The following SMYD3 variants were observed in gnomAD, a reference collection of about 807,000 sequenced individuals.
SMYD3 encodes the protein SET and MYND domain containing 3.
SMYD3 carries 36 observed loss-of-function variants against 57.7 expected under a neutral mutation model. That is an observed-to-expected ratio of 0.62 (90% CI 0.48 to 0.82). The LOEUF is 0.82. SMYD3 is among the 40% of genes least tolerant of loss of function. SMYD3 has a pLI of 0.00. For missense variants in SMYD3, 515 were observed against 538.8 expected (o/e 0.96, Z 0.44); for synonymous variants, 211 against 195.0 (o/e 1.08, Z -0.68).
intron 10 of SMYD3, among the ~76,000 whole-genome samples, chr1:245,816,733 C>T (rs545898126): frequency 4.8e-4 from 73 of 152,196 alleles, no homozygotes; most frequent in African/African-American, 1.3e-3. Context: ...ATGCCTCACT[C>T]GGGAAGCGCC....
At chr1:245,898,771 G>A (rs1323053905) in intron 8 of SMYD3, among the ~76,000 whole-genome samples, 1 of 152,160 alleles carries the variant, frequency 6.6e-6, no homozygotes, top group East Asian at 1.9e-4. Context: ...TAGCTTGTTT[G>A]TTTTTTGCAA....
chr1:246,370,064 T>C lies in SMYD3; in HGVS notation c.165-14970A>G, dbSNP rs1336995801. On this transcript the variant is annotated intron_variant, in intron 1 of 11. Transcript: ENST00000490107. Reference sequence around the variant, plus strand: ...GAATCCGAGAGGCAGACCAGCTGCTTGAGTACTCCCCTTCCACTGTCTGCA... The same window carrying C: ...GAATCCGAGAGGCAGACCAGCTGCTCGAGTACTCCCCTTCCACTGTCTGCA... 7.2e-4 allele frequency among the ~76,000 whole-genome samples: 110 copies of C among 152,280 alleles called. 1 individual carries two copies. The highest frequency in any genetic ancestry group is 1.3e-4 in the Non-Finnish European group (9 of 68,016).
chr1:246,442,770 A>C (rs2067489403), intron 1 of SMYD3, among the ~76,000 whole-genome samples: 1 of 152,180 alleles, frequency 6.6e-6, no homozygotes, highest in Non-Finnish European at 1.5e-5. Context: ...CCATTAACGC[A>C]AACACTGGTA....
At chr1:245,951,138 C>A (rs1375010137) in intron 5 of SMYD3, among the ~76,000 whole-genome samples, 2 of 152,084 alleles carry the variant, frequency 1.3e-5, no homozygotes, top group African/African-American at 2.4e-5. Flanking sequence ...ATTGTTTCTG[C>A]ATCACTCTTA....
At chr1:246,034,040 T>G (rs891988015) in intron 5 of SMYD3, among the ~76,000 whole-genome samples, 1 of 152,148 alleles carries the variant, frequency 6.6e-6, no homozygotes, top group Admixed American at 6.5e-5. Context: ...TATATAGAAT[T>G]GAGCAATAAT....
At chr1:246,166,787 T>C (rs1449765046) in intron 5 of SMYD3, among the ~76,000 whole-genome samples, 1 of 152,222 alleles carries the variant, frequency 6.6e-6, no homozygotes, top group Non-Finnish European at 1.5e-5. Context: ...TATTGTTTTT[T>C]CTTGAGGTGA....
intron 1 of SMYD3, among the ~76,000 whole-genome samples, chr1:246,489,601 C>T (rs949910550): frequency 7.9e-5 from 12 of 152,072 alleles, no homozygotes; most frequent in African/African-American, 2.2e-4. Context: ...AAGAAGCTGA[C>T]ATTCTAAAAC....
intron 1 of SMYD3, among the ~76,000 whole-genome samples, chr1:246,478,118 T>G (rs188632130): frequency 1.1e-4 from 16 of 152,312 alleles, no homozygotes; most frequent in African/African-American, 3.8e-4. Context: ...CCCAGTTACA[T>G]TTTACCTAAC....
At chr1:246,285,227 T>C (rs1037211150) in intron 5 of SMYD3, among the ~76,000 whole-genome samples, 10 of 152,202 alleles carry the variant, frequency 6.6e-5, no homozygotes, top group Admixed American at 3.9e-4. Flanking sequence ...TGGTTTTCCA[T>C]TCCTCAGTTA....
chr1:245,826,309 A>C (rs1370729398), intron 10 of SMYD3, among the ~76,000 whole-genome samples: 4 of 152,030 alleles, frequency 2.6e-5, no homozygotes, highest in African/African-American at 9.7e-5. Flanking sequence ...TTTGTGGCTG[A>C]CTTCACTTAG....
intron 5 of SMYD3, among the ~76,000 whole-genome samples, chr1:246,171,994 G>A (rs1402083006): frequency 2.0e-5 from 3 of 152,198 alleles, no homozygotes; most frequent in African/African-American, 7.2e-5. Context: ...CTGGGTGACA[G>A]ACTATGACTT....
chr1:245,821,714 A>C (rs1045947220), intron 10 of SMYD3, among the ~76,000 whole-genome samples: 5 of 151,914 alleles, frequency 3.3e-5, no homozygotes, highest in Admixed American at 1.3e-4. Context: ...AAAACAAACA[A>C]CACCATCAAA....
At position 246,103,927 on chromosome 1, in the gene SMYD3, T is replaced by A. The variant is rs147132162; in HGVS notation, c.532-173990A>T. Among the ~76,000 whole-genome samples the A allele has an allele frequency of 2.6e-3, 398 of 152,314 alleles. 1 individual carries two copies. Among genetic ancestry groups the A allele is most frequent in the Non-Finnish European group, 4.0e-3 (273 of 68,014 alleles). ...TCCCTCTGTCACCCTGAAAACTCCC[T>A]ACTCATCCTTGAAGAAAACCTTGTT... On this transcript the variant is annotated intron_variant, in intron 5 of 11. Coordinates refer to ENST00000490107, the MANE Select transcript of SMYD3 (RefSeq NM_001167740.2).
chr1:245,915,431 G>C (rs758498561), intron 8 of SMYD3, 99 bp downstream of exon 8: 101 of 705,826 alleles, frequency 1.4e-4, no homozygotes, highest in Non-Finnish European at 2.3e-4. Flanking sequence ...CATGTACTGA[G>C]GGTCATTACT....
intron 8 of SMYD3, among the ~76,000 whole-genome samples, chr1:245,887,428 T>G (rs927812115): frequency 2.8e-4 from 42 of 151,682 alleles, no homozygotes; most frequent in African/African-American, 9.2e-4. Flanking sequence ...TGTGGAGGAG[T>G]CATTCTTTAT....
intron 5 of SMYD3, among the ~76,000 whole-genome samples, chr1:246,194,234 G>T (rs1294410205): frequency 1.3e-5 from 2 of 150,822 alleles, no homozygotes; most frequent in Non-Finnish European, 2.9e-5. Flanking sequence ...ACATTTTTTT[G>T]AACACTTCAT....
At chr1:246,092,811 A>C (rs938505410) in intron 5 of SMYD3, among the ~76,000 whole-genome samples, 5 of 152,174 alleles carry the variant, frequency 3.3e-5, no homozygotes, top group African/African-American at 1.2e-4. Context: ...CAATCAACAG[A>C]GTAAAGAGAC....
At chr1:245,998,068 A>G (rs2148137714) in intron 5 of SMYD3, among the ~76,000 whole-genome samples, 1 of 152,328 alleles carries the variant, frequency 6.6e-6, no homozygotes, top group East Asian at 1.9e-4. Context: ...CTGGACCAGG[A>G]CCAGGGCCTG....
intron 5 of SMYD3, among the ~76,000 whole-genome samples, chr1:246,063,043 G>C (rs2060279687): frequency 6.6e-6 from 1 of 152,122 alleles, no homozygotes. Context: ...ACTGCATCAG[G>C]AAGAGCCCAA....
Sources: allele counts gnomAD v4.1 joint callset (sites outside exome capture counted in the v4.1 genomes callset), GRCh38; gene constraint gnomAD v4.1.1; transcripts MANE v1.5; gene names NCBI Gene and HGNC (gene_info 2026-07-23, HGNC 2026-07-21).